The following SETBP1 variants were observed in gnomAD, a reference collection of about 807,000 sequenced individuals.
SETBP1 encodes the protein SET binding protein 1.
SETBP1 carries 9 observed loss-of-function variants against 101.0 expected under a neutral mutation model. That is an observed-to-expected ratio of 0.09 (90% CI 0.05 to 0.16). The LOEUF is 0.16. Among genes scored for constraint, SETBP1 ranks in the 10% least tolerant of loss-of-function variants. The pLI is 1.00. For missense variants in SETBP1, 1,858 were observed against 2,033.8 expected (o/e 0.91, Z 1.66); for synonymous variants, 818 against 788.5 (o/e 1.04, Z -0.63).
intron 4 of SETBP1, among the ~76,000 whole-genome samples, chr18:44,978,228 G>C (rs559873723): frequency 4.5e-4 from 68 of 152,212 alleles, no homozygotes; most frequent in African/African-American, 1.6e-3. Context: ...CGTCAATACA[G>C]AGTTCACCAT....
intron 2 of SETBP1, among the ~76,000 whole-genome samples, chr18:44,820,349 T>A (rs956359340): frequency 6.6e-6 from 1 of 152,218 alleles, no homozygotes. Flanking sequence ...ACATCATCTG[T>A]TTCCTAACTC....
chr18:45,031,264 G>A (rs544127396), intron 4 of SETBP1, among the ~76,000 whole-genome samples: 4 of 152,126 alleles, frequency 2.6e-5, no homozygotes, highest in South Asian at 2.1e-4. Flanking sequence ...CTATCTTAAG[G>A]TCAGCTGATT....
intron 2 of SETBP1, among the ~76,000 whole-genome samples, chr18:44,817,326 C>T (rs1382311899): frequency 6.6e-6 from 1 of 152,112 alleles, no homozygotes; most frequent in Non-Finnish European, 1.5e-5. Flanking sequence ...ATTGAGGCCT[C>T]AGAAATAGAA....
chr18:44,914,013 C>G (rs1200999001), intron 3 of SETBP1, among the ~76,000 whole-genome samples: 2 of 152,154 alleles, frequency 1.3e-5, no homozygotes, highest in Non-Finnish European at 2.9e-5. Context: ...AGGCTCAGAC[C>G]TGGTCTGTCA....
At chr18:44,692,553 C>G (rs1222445999) in intron 1 of SETBP1, among the ~76,000 whole-genome samples, 1 of 152,162 alleles carries the variant, frequency 6.6e-6, no homozygotes, top group Non-Finnish European at 1.5e-5. Context: ...AGCCCTTGTC[C>G]TCATGGAGCT....
Position 44,847,699 on chromosome 18 carries a change from A to G in SETBP1, c.487-21531A>G, listed in dbSNP as rs1178438459. Among the ~76,000 whole-genome samples the G allele has an allele frequency of 2.6e-5, 4 of 152,170 alleles. No homozygotes were observed. The South Asian group carries it at 6.2e-4, about 24-fold the overall frequency. On this transcript the variant is annotated intron_variant, in intron 2 of 5. Coordinates refer to ENST00000649279, the MANE Select transcript of SETBP1 (RefSeq NM_015559.3). ...CTTCTGGAGTTTCCACTGAAATGGG[A>G]TGGGACTGGGGTAGGAGAAGGGAGA...
chr18:44,889,008 A>T (rs2069709938), intron 3 of SETBP1, among the ~76,000 whole-genome samples: 1 of 152,184 alleles, frequency 6.6e-6, no homozygotes, highest in South Asian at 2.1e-4. Context: ...CTGGAAAAAT[A>T]GCAGCAAATA....
At chr18:44,904,022 A>C (rs1475110271) in intron 3 of SETBP1, among the ~76,000 whole-genome samples, 1 of 152,178 alleles carries the variant, frequency 6.6e-6, no homozygotes, top group African/African-American at 2.4e-5. Flanking sequence ...CTTACATAAA[A>C]TCTTCTAGGG....
chr18:44,762,607 A>G (rs1301780400), intron 2 of SETBP1, among the ~76,000 whole-genome samples: 4 of 152,194 alleles, frequency 2.6e-5, no homozygotes, highest in African/African-American at 7.2e-5. Context: ...TTATTTTTCA[A>G]ACAGATATGG....
chr18:44,774,086 G>A (rs921059463), intron 2 of SETBP1, among the ~76,000 whole-genome samples: 3 of 152,108 alleles, frequency 2.0e-5, no homozygotes, highest in Non-Finnish European at 4.4e-5. Context: ...AAAGAGGAAG[G>A]GAGGCCCAAG....
chr18:44,890,972 C>G (rs2069755168), intron 3 of SETBP1, among the ~76,000 whole-genome samples: 1 of 152,044 alleles, frequency 6.6e-6, no homozygotes, highest in Non-Finnish European at 1.5e-5. Flanking sequence ...TGTTTCCATT[C>G]TACTGATAAA....
chr18:44,968,428 C>A (rs551269171), intron 4 of SETBP1, among the ~76,000 whole-genome samples: 21 of 152,176 alleles, frequency 1.4e-4, no homozygotes, highest in Non-Finnish European at 2.8e-4. Context: ...GGATAGTGGG[C>A]ATGATCTGCT....
intron 2 of SETBP1, among the ~76,000 whole-genome samples, chr18:44,730,982 G>A (rs1462077660): frequency 6.6e-6 from 1 of 152,164 alleles, no homozygotes; most frequent in Non-Finnish European, 1.5e-5. Context: ...GTGTGACATT[G>A]CCCCACTTGT....
At chr18:44,965,252 A>G (rs1184309632) in intron 4 of SETBP1, among the ~76,000 whole-genome samples, 1 of 148,932 alleles carries the variant, frequency 6.7e-6, no homozygotes, top group Non-Finnish European at 1.5e-5. Context: ...CTTCGCACAC[A>G]TACAACAGAC....
chr18:44,742,804 T>A (rs1426700421), intron 2 of SETBP1, among the ~76,000 whole-genome samples: 1 of 152,126 alleles, frequency 6.6e-6, no homozygotes, highest in African/African-American at 2.4e-5. Flanking sequence ...CTGAACAGGT[T>A]AAATAAACAG....
At chr18:44,686,593 A>G (rs991565676) in intron 1 of SETBP1, among the ~76,000 whole-genome samples, 4 of 152,186 alleles carry the variant, frequency 2.6e-5, no homozygotes, top group African/African-American at 7.2e-5. Context: ...TTTCCCACAC[A>G]GCCCTGAACC....
chr18:44,782,423 G>A (rs774190392), intron 2 of SETBP1, among the ~76,000 whole-genome samples: 5 of 151,894 alleles, frequency 3.3e-5, no homozygotes, highest in Non-Finnish European at 5.9e-5. Context: ...AAGAACAAAA[G>A]AGCTCACAAC....
At chr18:44,983,419 C>T (rs562960778) in intron 4 of SETBP1, among the ~76,000 whole-genome samples, 1 of 152,214 alleles carries the variant, frequency 6.6e-6, no homozygotes, top group South Asian at 2.1e-4. Context: ...ACACTCTTAC[C>T]CCCATTATAC....
At chr18:44,872,954 T>C (rs972416204) in intron 3 of SETBP1, among the ~76,000 whole-genome samples, 1 of 152,226 alleles carries the variant, frequency 6.6e-6, no homozygotes, top group Admixed American at 6.5e-5. Context: ...ATACTTCCTT[T>C]AGGCAAAATG....
Sources: gnomAD v4.1 joint callset for allele counts (sites outside exome capture counted in the v4.1 genomes callset) on GRCh38, gnomAD v4.1.1 for gene constraint, MANE v1.5 for transcripts, NCBI Gene and HGNC (gene_info 2026-07-23, HGNC 2026-07-21) for gene names.